SLC24A2: variants seen among roughly 807,000 people sequenced by gnomAD.
SLC24A2 encodes the protein sodium/potassium/calcium exchanger 2.
In SLC24A2, 36 loss-of-function variants were observed where a neutral mutation model predicts 62.0. The ratio of observed to expected loss-of-function variants is 0.58; its 90% CI spans 0.44 to 0.77. SLC24A2 has a LOEUF of 0.77. SLC24A2 is among the 30% of genes least tolerant of loss of function. SLC24A2 has a pLI of 0.00. For missense variants in SLC24A2, 846 were observed against 817.9 expected, an observed-to-expected ratio of 1.03 and a Z score of -0.42; for synonymous variants, 358 against 294.0, an observed-to-expected ratio of 1.22 and a Z score of -2.23.
At chr9:20,282,846 T>C in the SLC24A2 span, among the ~76,000 whole-genome samples, 2 of 152,232 alleles carry the variant, frequency 1.3e-5, no homozygotes, top group African/African-American at 2.4e-5. Flanking sequence ...GTTGGACATA[T>C]AAAACTATTA....
At chr9:19,815,959 C>CTTT in the SLC24A2 span, among the ~76,000 whole-genome samples, 5,837 of 103,372 alleles carry the variant, frequency 0.056, 279 homozygotes, top group African/African-American at 0.064. Context: ...TTTTTTGCCC[C>CTTT]TTTTTTTTTT....
the SLC24A2 span, among the ~76,000 whole-genome samples, chr9:20,146,721 C>G: frequency 1.6e-3 from 241 of 152,230 alleles, no homozygotes; most frequent in Non-Finnish European, 2.8e-3. Flanking sequence ...AACACCTCAC[C>G]TCCATTCTGT....
the SLC24A2 span, among the ~76,000 whole-genome samples, chr9:20,167,982 T>G: frequency 6.6e-6 from 1 of 151,882 alleles, no homozygotes; most frequent in African/African-American, 2.4e-5. Context: ...AAAGAAAGCC[T>G]TGGCACTCTT....
chr9:19,512,053 T>A lies in SLC24A2; in HGVS notation c.*4100A>T, dbSNP rs1260894740. The stretch of plus-strand genomic sequence containing the variant: ...GCCACTCTACCAGGTGTCTTTTCTT[T>A]GGTCAACTTTTTGTTAAAGTGGTCT... On this transcript the variant is annotated 3_prime_UTR_variant, in exon 11 of 11. Transcript: ENST00000341998. 6.6e-6 allele frequency: 1 copy of A among 152,344 alleles called. No homozygotes were observed. The highest frequency in any genetic ancestry group is 2.4e-5 in the African/African-American group (1 of 41,470). The allele number at this position is 152,344 out of a possible 1,614,324, so 9.4% of individuals were successfully genotyped here.
At chr9:19,556,769 T>G (rs1835109653) in intron 7 of SLC24A2, among the ~76,000 whole-genome samples, 1 of 152,172 alleles carries the variant, frequency 6.6e-6, no homozygotes, top group Non-Finnish European at 1.5e-5. Flanking sequence ...TCATTGACTT[T>G]AAAAACACTA....
intron 5 of SLC24A2, among the ~76,000 whole-genome samples, chr9:19,590,262 A>G (rs1053267955): frequency 1.3e-5 from 2 of 152,060 alleles, no homozygotes; most frequent in African/African-American, 4.8e-5. Context: ...CAACTTCCAG[A>G]CCCTCATATC....
At chr9:19,635,007 A>G (rs2118017896) in intron 2 of SLC24A2, among the ~76,000 whole-genome samples, 1 of 152,316 alleles carries the variant, frequency 6.6e-6, no homozygotes, top group Middle Eastern at 3.4e-3. Context: ...TTCTGGTTCC[A>G]GACAGTAGCT....
chr9:19,761,896 G>T (rs1275922791), intron 2 of SLC24A2, among the ~76,000 whole-genome samples: 1 of 152,130 alleles, frequency 6.6e-6, no homozygotes, highest in Admixed American at 6.5e-5. Flanking sequence ...GGACATTTGG[G>T]TTGGTTCCAA....
intron 8 of SLC24A2, among the ~76,000 whole-genome samples, chr9:19,541,752 C>A (rs1238376938): frequency 2.0e-5 from 3 of 149,110 alleles, no homozygotes; most frequent in Non-Finnish European, 4.5e-5. Flanking sequence ...AGCTTCCCGG[C>A]TGCTTTGTTT....
At chr9:19,809,903 C>T in the SLC24A2 span, among the ~76,000 whole-genome samples, 1 of 152,098 alleles carries the variant, frequency 6.6e-6, no homozygotes, top group African/African-American at 2.4e-5. Context: ...ACCTATTAAA[C>T]CTCCACTCCT....
At chr9:20,088,623 T>C in the SLC24A2 span, among the ~76,000 whole-genome samples, 2 of 152,202 alleles carry the variant, frequency 1.3e-5, no homozygotes, top group Admixed American at 6.5e-5. Context: ...TAGCTGTTGT[T>C]GTCTTTGGGC....
the SLC24A2 span, among the ~76,000 whole-genome samples, chr9:19,907,394 G>A: frequency 6.6e-6 from 1 of 152,184 alleles, no homozygotes; most frequent in Non-Finnish European, 1.5e-5. Context: ...AAAACTGGAA[G>A]CATTCCCTTT....
the SLC24A2 span, among the ~76,000 whole-genome samples, chr9:19,878,846 G>A: frequency 3.9e-5 from 6 of 152,062 alleles, no homozygotes; most frequent in African/African-American, 7.2e-5. Flanking sequence ...CTATAGCAGT[G>A]CAAGAAGAAA....
At chr9:19,543,404 T>G (rs1003379859) in intron 8 of SLC24A2, among the ~76,000 whole-genome samples, 2 of 150,750 alleles carry the variant, frequency 1.3e-5, no homozygotes, top group African/African-American at 4.9e-5. Flanking sequence ...TTTTTTTTTT[T>G]GAAGGGTTTT....
intron 2 of SLC24A2, among the ~76,000 whole-genome samples, chr9:19,642,330 C>A (rs1357252093): frequency 1.3e-5 from 2 of 152,192 alleles, no homozygotes; most frequent in Non-Finnish European, 2.9e-5. Flanking sequence ...TTAGAGGGAG[C>A]AGAGTGATCT....
chr9:20,196,469 G>A, the SLC24A2 span, among the ~76,000 whole-genome samples: 291 of 152,176 alleles, frequency 1.9e-3, 4 homozygotes, highest in East Asian at 2.9e-3. Context: ...TGAATTTATC[G>A]CCTTTATTTA....
At chr9:19,841,160 T>C in the SLC24A2 span, among the ~76,000 whole-genome samples, 1 of 152,164 alleles carries the variant, frequency 6.6e-6, no homozygotes, top group African/African-American at 2.4e-5. Flanking sequence ...ATGCTGAGGA[T>C]GCAAAAATGA....
chr9:19,900,235 G>A, the SLC24A2 span, among the ~76,000 whole-genome samples: 456 of 152,312 alleles, frequency 3.0e-3, 1 homozygote, highest in Non-Finnish European at 3.7e-3. Flanking sequence ...CAGTTCTGAT[G>A]TGTGTGATAA....
chr9:19,944,810 CATG>C, the SLC24A2 span, among the ~76,000 whole-genome samples: 1 of 152,090 alleles, frequency 6.6e-6, no homozygotes, highest in Admixed American at 6.5e-5. Flanking sequence ...TTAATCTGTT[CATG>C]ATGTGTGTTT....
Sources: gnomAD v4.1 joint callset for allele counts (sites outside exome capture counted in the v4.1 genomes callset) on GRCh38, gnomAD v4.1.1 for gene constraint, MANE v1.5 for transcripts, NCBI Gene and HGNC (gene_info 2026-07-23, HGNC 2026-07-21) for gene names.